The following CLEC16A variants were observed in gnomAD, a reference collection of about 807,000 sequenced individuals.
CLEC16A encodes protein CLEC16A.
A neutral mutation model predicts 109.5 loss-of-function variants in CLEC16A; 51 were observed. The observed-to-expected ratio is 0.47, with a 90% CI of 0.37 to 0.59. The LOEUF (loss-of-function observed/expected upper bound fraction) is 0.59. Among genes scored for constraint, CLEC16A ranks in the 20% least tolerant of loss-of-function variants. CLEC16A has a pLI of 0.00. For synonymous variants in CLEC16A, 673 were observed against 564.2 expected (o/e 1.19, Z -2.73); for missense variants, 1,339 against 1,394.0 (o/e 0.96, Z 0.63).
At position 10,979,323 on chromosome 16, in the gene CLEC16A, C is replaced by T. The variant is rs748060782; in HGVS notation, c.904-6C>T. ...TCTCTCTCTCTCTCCTGCCACCCTGCACTAGGGAGGAGAACGGCCGAAAAT... is the reference window on the plus strand; with the variant it reads ...TCTCTCTCTCTCTCCTGCCACCCTGTACTAGGGAGGAGAACGGCCGAAAAT... On this transcript the variant is annotated splice_polypyrimidine_tract_variant and splice_region_variant and intron_variant, in intron 8 of 23. Transcript: ENST00000409790. 1.3e-5 allele frequency: 21 copies of T among 1,610,946 alleles called. No homozygotes were observed. The highest frequency in any genetic ancestry group is 1.1e-4 in the East Asian group (5 of 44,832).
Position 11,126,178 on chromosome 16 carries a change from C to T in CLEC16A, c.2641+32C>T, listed in dbSNP as rs144515455. 34 of 1,613,322 alleles carry T rather than the reference C, an allele frequency of 2.1e-5. 1 individual carries two copies. The Admixed American group carries it at 2.2e-4, about 10-fold the overall frequency. On this transcript the variant is annotated intron_variant, in intron 22 of 23. Coordinates refer to ENST00000409790, the MANE Select transcript of CLEC16A (RefSeq NM_015226.3). Reference sequence around the variant, plus strand: ...CAGCCCCCCGCCCTGCGCCACAGCTCGTTCATCATGGTGGGCGTTCAAGGT... The same window carrying T: ...CAGCCCCCCGCCCTGCGCCACAGCTTGTTCATCATGGTGGGCGTTCAAGGT...
intron 18 of CLEC16A, among the ~76,000 whole-genome samples, chr16:11,057,573 G>T (rs1295350193): frequency 6.6e-6 from 1 of 152,230 alleles, no homozygotes; most frequent in African/African-American, 2.4e-5. Flanking sequence ...AGAAACTGGA[G>T]CAATCTCTTT....
chr16:11,096,382 C>T (rs1266237915), intron 19 of CLEC16A, among the ~76,000 whole-genome samples: 2 of 151,906 alleles, frequency 1.3e-5, no homozygotes, highest in Non-Finnish European at 2.9e-5. Flanking sequence ...TAATGTCCAC[C>T]CTCCTCATCC....
intron 22 of CLEC16A, among the ~76,000 whole-genome samples, chr16:11,131,832 G>C (rs187684589): frequency 6.6e-6 from 1 of 152,158 alleles, no homozygotes; most frequent in Admixed American, 6.5e-5. Context: ...CTCTCCCCTC[G>C]GCTCTCTGCA....
chr16:11,003,334 G>T, intron 11 of CLEC16A, 29 bp downstream of exon 11: 1 of 1,580,692 alleles, frequency 6.3e-7, no homozygotes, highest in Non-Finnish European at 8.6e-7. Flanking sequence ...GCCGCCCTGT[G>T]CCTGCGCCGC....
At chr16:11,124,963 C>T (rs1233886872) in intron 21 of CLEC16A, among the ~76,000 whole-genome samples, 1 of 152,150 alleles carries the variant, frequency 6.6e-6, no homozygotes, top group Non-Finnish European at 1.5e-5. Flanking sequence ...GTGGCATACG[C>T]CTGTAGTCCC....
intron 17 of CLEC16A, 100 bp downstream of exon 17, chr16:11,047,442 G>C (rs2047694482): frequency 1.3e-6 from 1 of 766,034 alleles, no homozygotes; most frequent in Admixed American, 3.5e-5. Flanking sequence ...TTAGGGCTTT[G>C]TGACCAAATA....
intron 16 of CLEC16A, among the ~76,000 whole-genome samples, chr16:11,046,826 A>G (rs2047660102): frequency 1.3e-5 from 2 of 152,214 alleles, no homozygotes; most frequent in Admixed American, 1.3e-4. Flanking sequence ...TCATAAACAA[A>G]TAGAACAAGC....
chr16:10,948,830 T>C (rs751708390), intron 1 of CLEC16A, among the ~76,000 whole-genome samples: 5 of 152,212 alleles, frequency 3.3e-5, no homozygotes, highest in Non-Finnish European at 5.9e-5. Flanking sequence ...GTTGGTGTCA[T>C]TTTCAGGCAG....
intron 8 of CLEC16A, 28 bp from the exon 9 acceptor site, chr16:10,979,295 ATCTCTC>A: frequency 6.5e-7 from 1 of 1,542,094 alleles, no homozygotes; most frequent in Non-Finnish European, 8.9e-7. Flanking sequence ...GTGTGACCTG[ATCTCTC>A]TCTCTCTCTC....
At chr16:11,028,403 T>C (rs1232163440) in intron 13 of CLEC16A, among the ~76,000 whole-genome samples, 1 of 152,056 alleles carries the variant, frequency 6.6e-6, no homozygotes, top group Non-Finnish European at 1.5e-5. Flanking sequence ...TGTACAAGGC[T>C]CCCTAAGACT....
chr16:11,051,429 G>T, intron 17 of CLEC16A, 84 bp from the exon 18 acceptor site: 1 of 1,413,516 alleles, frequency 7.1e-7, no homozygotes, highest in Middle Eastern at 1.8e-4. Flanking sequence ...GGTTGAAGGC[G>T]AGGGGCCTGT....
At position 11,174,217 on chromosome 16, in the gene CLEC16A, G is replaced by C; in HGVS notation, c.2807-4118G>C. ...CTGTCGGAGGCCGACAGTCATGGCG[G>C]CCACTGGGTTTAGTGCTCCGAACGG... On this transcript the variant is annotated intron_variant, in intron 23 of 23. Transcript: ENST00000409790. The surrounding 1 kb of genome is among the most constrained non-coding windows in gnomAD (Gnocchi z 4.7). 1 of 469,112 alleles carries C rather than the reference G, an allele frequency of 2.1e-6. No homozygotes were observed. Among genetic ancestry groups the C allele is most frequent in the South Asian group, 1.5e-5 (1 of 64,562 alleles). 29.1% of individuals were successfully genotyped at this position (469,112 alleles called of 1,614,324 possible).
At chr16:11,088,624 G>GCGTCA (rs2050137687) in intron 19 of CLEC16A, among the ~76,000 whole-genome samples, 1 of 152,128 alleles carries the variant, frequency 6.6e-6, no homozygotes, top group Non-Finnish European at 1.5e-5. Flanking sequence ...CCCCAGCCAC[G>GCGTCA]CGCGGAGAGC....
chr16:11,132,569 G>A (rs993408175), intron 22 of CLEC16A, among the ~76,000 whole-genome samples: 4 of 152,060 alleles, frequency 2.6e-5, no homozygotes, highest in Non-Finnish European at 4.4e-5. Context: ...AGTTATTTCT[G>A]GTATATACCT....
chr16:11,123,936 G>C lies in CLEC16A; in HGVS notation c.2463G>C (p.Gln821His). 3 of 1,607,870 alleles carry C rather than the reference G, an allele frequency of 1.9e-6. No individual in the cohort carries two copies. Among genetic ancestry groups the C allele is most frequent in the South Asian group, 1.1e-5 (1 of 89,872 alleles). Residue 821 changes from glutamine to histidine, a missense_variant, in exon 21 of 24, where the codon CAG becomes CAC. Gln to His is a conservative substitution (Grantham distance 24, BLOSUM62 0). Around this residue, in one of 3 missense-constraint regions of CLEC16A, gnomAD observed 1,061 missense variants for 1,006.8 expected, o/e 1.05. Transcript: ENST00000409790. ...GRIQARRMKMQRIAALLDLPI... is the reference protein window; with the variant it reads ...GRIQARRMKMHRIAALLDLPI... ...TCCAGGCAAGGCGCATGAAGATGCA[G>C]AGAATAGCTGGTGAGTGGCTGGACC...
chr16:11,106,934 C>G (rs1198552082), intron 19 of CLEC16A, among the ~76,000 whole-genome samples: 1 of 152,184 alleles, frequency 6.6e-6, no homozygotes, highest in Non-Finnish European at 1.5e-5. Flanking sequence ...TTGCCCTGCA[C>G]AGCTTCCCCT....
At chr16:10,944,854 G>C in intron 1 of CLEC16A, 57 bp downstream of exon 1, 1 of 1,481,008 alleles carries the variant, frequency 6.8e-7, no homozygotes, top group South Asian at 1.2e-5. Context: ...ACGGGGCGCC[G>C]AGCTCCGGGT....
intron 19 of CLEC16A, among the ~76,000 whole-genome samples, chr16:11,086,208 C>A (rs1004057726): frequency 6.6e-6 from 1 of 152,154 alleles, no homozygotes; most frequent in Non-Finnish European, 1.5e-5. Flanking sequence ...TCAAGGAGGG[C>A]CCTGGGCTCA....
Sources: allele counts gnomAD v4.1 joint callset (sites outside exome capture counted in the v4.1 genomes callset), GRCh38; gene constraint gnomAD v4.1.1; regional missense constraint gnomAD v4.1.1; non-coding constraint Gnocchi (gnomAD v3.1); transcripts MANE v1.5; gene names NCBI Gene and HGNC (gene_info 2026-07-23, HGNC 2026-07-21).